FANCD2: variants seen among roughly 807,000 people sequenced by gnomAD.
FANCD2 encodes Fanconi anemia group D2 protein.
FANCD2 carries 131 observed loss-of-function variants against 192.3 expected under a neutral mutation model. The observed-to-expected ratio is 0.68, with a 90% CI of 0.59 to 0.79. The LOEUF (loss-of-function observed/expected upper bound fraction) is 0.79. Among genes scored for constraint, FANCD2 ranks in the 30% least tolerant of loss-of-function variants. FANCD2 has a pLI of 0.00. For synonymous variants in FANCD2, 524 were observed against 612.5 expected, an observed-to-expected ratio of 0.86 and a Z score of 2.13; for missense variants, 1,508 against 1,701.6, an observed-to-expected ratio of 0.89 and a Z score of 2.00.
rs373232961 is a variant in FANCD2, at chr3:10,043,872, T to G, written c.1134+8T>G. On this transcript the variant is annotated splice_region_variant and intron_variant, in intron 14 of 43. Coordinates refer to ENST00000675286, the MANE Select transcript of FANCD2 (RefSeq NM_001018115.3). The stretch of plus-strand genomic sequence containing the variant: ...TCAGTATCTGAACACAAGGTAATGT[T>G]CATGTACTATGCATTTTCAGTATTG... The G allele has an allele frequency of 4.7e-4, 755 of 1,599,002 alleles. No homozygotes were observed. Among genetic ancestry groups the G allele is most frequent in the Non-Finnish European group, 6.1e-4 (715 of 1,166,666 alleles).
At chr3:10,051,603 AAGG>A (rs1262122150) in intron 17 of FANCD2, among the ~76,000 whole-genome samples, 1 of 133,394 alleles carries the variant, frequency 7.5e-6, no homozygotes, top group East Asian at 1.9e-4. Flanking sequence ...GAGAAGCATC[AAGG>A]AGGAGAGAAT....
chr3:10,045,453 C>T (rs2086978581), intron 14 of FANCD2: 2 of 152,186 alleles, frequency 1.3e-5, no homozygotes, highest in Non-Finnish European at 2.9e-5. Flanking sequence ...TAGGCGTGAG[C>T]CACCATGCCT....
intron 11 of FANCD2, 68 bp downstream of exon 11, chr3:10,042,731 A>G: frequency 8.5e-7 from 1 of 1,183,240 alleles, no homozygotes; most frequent in Non-Finnish European, 1.3e-6. Flanking sequence ...CTCTGTCCCC[A>G]GACTAACTGA....
At chr3:10,031,223 G>T (rs2086583245) in intron 2 of FANCD2, among the ~76,000 whole-genome samples, 1 of 152,080 alleles carries the variant, frequency 6.6e-6, no homozygotes, top group South Asian at 2.1e-4. Context: ...GGGAAAGGAG[G>T]CCAGGCACGG....
chr3:10,041,307 G>A (rs990822628), intron 9 of FANCD2: 3 of 312,660 alleles, frequency 9.6e-6, no homozygotes, highest in African/African-American at 4.4e-5. Context: ...AGATTTCATT[G>A]TAAATGTTTT....
chr3:10,039,285 C>G lies in FANCD2; in HGVS notation c.498C>G (p.Asn166Lys). Reference sequence around the variant, plus strand: ...TCTCTTCCTAACATTTTAGCAAGAACAGTGATGAAATCAACATACCTCGAC... The same window carrying G: ...TCTCTTCCTAACATTTTAGCAAGAAGAGTGATGAAATCAACATACCTCGAC... ...KLPEYFFENK[N>K]SDEINIPRLI... The change falls in exon 8 of 44, where the codon AAC becomes AAG. Residue 166 changes from asparagine (N) to lysine (K), a missense_variant. By Grantham distance (94) the Asn-to-Lys change is moderately conservative (BLOSUM62 0). Coordinates refer to ENST00000675286, the MANE Select transcript of FANCD2 (RefSeq NM_001018115.3). 1 of 1,612,948 alleles carries G rather than the reference C, an allele frequency of 6.2e-7. No individual in the cohort carries two copies. The highest frequency in any genetic ancestry group is 8.5e-7 in the Non-Finnish European group (1 of 1,179,156).
At chr3:10,051,075 A>C (rs2087187997) in intron 17 of FANCD2, among the ~76,000 whole-genome samples, 1 of 135,380 alleles carries the variant, frequency 7.4e-6, no homozygotes, top group Non-Finnish European at 1.5e-5. Flanking sequence ...GAGAAGAGCG[A>C]AACTGTCAAA....
chr3:10,098,879 T>C (rs1368140519), intron 43 of FANCD2, 64 bp downstream of exon 43: 1 of 1,614,054 alleles, frequency 6.2e-7, no homozygotes, highest in African/African-American at 1.3e-5. Context: ...TGTTCTAAGT[T>C]GGTGGAGCAG....
intron 17 of FANCD2, among the ~76,000 whole-genome samples, chr3:10,051,566 GAAGAC>G (rs2087218538): frequency 6.6e-6 from 1 of 152,050 alleles, no homozygotes; most frequent in Non-Finnish European, 1.5e-5. Context: ...GCAGTAACTT[GAAGAC>G]TTGGGGAATA....
chr3:10,088,285 A>G (rs1190358061), intron 34 of FANCD2, among the ~76,000 whole-genome samples, 164 bp from the exon 35 acceptor site: 1 of 152,200 alleles, frequency 6.6e-6, no homozygotes, highest in Non-Finnish European at 1.5e-5. Context: ...GGGCCAGTGG[A>G]TCAGGAACGT....
chr3:10,084,848 G>T (rs1306715116), intron 32 of FANCD2, among the ~76,000 whole-genome samples: 2 of 152,140 alleles, frequency 1.3e-5, no homozygotes, highest in African/African-American at 4.8e-5. Flanking sequence ...GGAGTTTTAT[G>T]ATCACAGCCA....
Position 10,091,688 on chromosome 3 carries a change from A to G in FANCD2, c.3778-493A>G, listed in dbSNP as rs1248853359. 5.3e-5 allele frequency among the ~76,000 whole-genome samples: 8 copies of G among 152,094 alleles called. No homozygotes were observed. In the East Asian group the frequency reaches 1.4e-3, roughly 26 times the overall value. ...CCATTCCTCACCTCTAACTAGAGGGAAAGGAAATTAAACTAGGAACTCTTT... is the reference window on the plus strand; with the variant it reads ...CCATTCCTCACCTCTAACTAGAGGGGAAGGAAATTAAACTAGGAACTCTTT... On this transcript the variant is annotated intron_variant, in intron 37 of 43. Coordinates refer to ENST00000675286, the MANE Select transcript of FANCD2 (RefSeq NM_001018115.3).
chr3:10,078,095 G>A lies in FANCD2; in HGVS notation c.2874G>A (p.Val958=), dbSNP rs1693631463. 3.7e-6 allele frequency: 6 copies of A among 1,612,624 alleles called. No individual in the cohort carries two copies. In the South Asian group the frequency reaches 5.5e-5, roughly 15 times the overall value. ...CCATGTGACAGGCTACAGAAGTTGTGCAACTTGGGCCCCCTGAGCTGCTTT... is the reference window on the plus strand; with the variant it reads ...CCATGTGACAGGCTACAGAAGTTGTACAACTTGGGCCCCCTGAGCTGCTTT... ...TEMHTEATEV[V]QLGPPELLFL... Residue 958 remains valine (V), a synonymous_variant, in exon 30 of 44, where the codon GTG becomes GTA. Coordinates refer to ENST00000675286, the MANE Select transcript of FANCD2 (RefSeq NM_001018115.3).
intron 18 of FANCD2, among the ~76,000 whole-genome samples, chr3:10,058,496 T>A (rs982986919): frequency 6.6e-6 from 1 of 152,210 alleles, no homozygotes; most frequent in Non-Finnish European, 1.5e-5. Flanking sequence ...TTGATCCACT[T>A]TGTGTTAATT....
chr3:10,066,045 TC>T, intron 25 of FANCD2, 66 bp downstream of exon 25: 1 of 1,032,352 alleles, frequency 9.7e-7, no homozygotes, highest in Non-Finnish European at 1.5e-6. Flanking sequence ...TTTTCTTAGT[TC>T]CCACAAGACT....
chr3:10,095,868 C>G (rs1694922335), intron 41 of FANCD2, among the ~76,000 whole-genome samples: 1 of 150,540 alleles, frequency 6.6e-6, no homozygotes, highest in South Asian at 2.1e-4. Flanking sequence ...TTATAAGGTC[C>G]TGAACAGTGA....
chr3:10,090,813 G>A (rs1335258536), intron 37 of FANCD2, among the ~76,000 whole-genome samples: 4 of 151,298 alleles, frequency 2.6e-5, no homozygotes, highest in Non-Finnish European at 4.4e-5. Context: ...GCTGTTTTTT[G>A]TTTTTGTTTT....
At chr3:10,099,311 T>C (rs1391026736) in intron 43 of FANCD2, 1 of 1,221,390 alleles carries the variant, frequency 8.2e-7, no homozygotes, top group African/African-American at 1.6e-5. Context: ...CTTTCGACAA[T>C]TTAAAGAAAG....
At chr3:10,067,013 C>T (rs1440843719) in intron 25 of FANCD2, among the ~76,000 whole-genome samples, 196 bp from the exon 26 acceptor site, 3 of 152,190 alleles carry the variant, frequency 2.0e-5, no homozygotes, top group Non-Finnish European at 4.4e-5. Context: ...ACATGAGCCA[C>T]CACGCCTGGC....
Sources: allele counts gnomAD v4.1 joint callset (sites outside exome capture counted in the v4.1 genomes callset), GRCh38; gene constraint gnomAD v4.1.1; transcripts MANE v1.5; gene names NCBI Gene and HGNC (gene_info 2026-07-23, HGNC 2026-07-21).